The following TMEM132D variants were observed in gnomAD, a reference collection of about 807,000 sequenced individuals.
TMEM132D encodes the protein transmembrane protein 132D, also known as mature OL transmembrane protein.
A neutral mutation model predicts 62.3 loss-of-function variants in TMEM132D; 21 were observed. That is an observed-to-expected ratio of 0.34 (90% CI 0.24 to 0.49). TMEM132D has a LOEUF of 0.49. Among genes scored for constraint, TMEM132D ranks in the 20% least tolerant of loss-of-function variants. The probability of loss-of-function intolerance (pLI) is 0.99; values close to 1 mark genes in which losing one functional copy is unlikely to be tolerated. For missense variants in TMEM132D, 1,346 were observed against 1,402.8 expected (o/e 0.96, Z 0.65); for synonymous variants, 621 against 575.6 (o/e 1.08, Z -1.13).
chr12:129,556,225 C>T (rs912144184), intron 2 of TMEM132D, among the ~76,000 whole-genome samples: 3 of 152,188 alleles, frequency 2.0e-5, no homozygotes, highest in African/African-American at 7.2e-5. Context: ...CTAACACAAA[C>T]ATTCCACCGC....
chr12:129,783,544 G>C (rs913202256), intron 1 of TMEM132D, among the ~76,000 whole-genome samples: 3 of 152,164 alleles, frequency 2.0e-5, no homozygotes, highest in African/African-American at 7.2e-5. Flanking sequence ...AGGCGTACTT[G>C]TTTTCATTGT....
chr12:129,430,673 G>T (rs1872629992), intron 3 of TMEM132D, among the ~76,000 whole-genome samples: 1 of 152,084 alleles, frequency 6.6e-6, no homozygotes, highest in South Asian at 2.1e-4. Flanking sequence ...TCTGTGAAAT[G>T]GTGACATTAG....
chr12:129,502,355 CAATCATCAGACAATAGCTTCT>C (rs1875177662), intron 3 of TMEM132D, among the ~76,000 whole-genome samples: 1 of 152,166 alleles, frequency 6.6e-6, no homozygotes, highest in Non-Finnish European at 1.5e-5. Flanking sequence ...GGTTGAATAT[CAATCATCAGACAATAGCTTCT>C]CAATTAGGCA....
At chr12:129,484,233 G>C (rs529163370) in intron 3 of TMEM132D, among the ~76,000 whole-genome samples, 80 of 152,240 alleles carry the variant, frequency 5.3e-4, no homozygotes, top group African/African-American at 1.8e-3. Flanking sequence ...GCCTCCCAAA[G>C]TGCTGGGAGT....
chr12:129,821,323 C>T (rs1013969263), intron 1 of TMEM132D, among the ~76,000 whole-genome samples: 2 of 152,150 alleles, frequency 1.3e-5, no homozygotes, highest in Non-Finnish European at 1.5e-5. Flanking sequence ...CTGAAACGCA[C>T]GTCAGATGCT....
chr12:129,869,535 A>G (rs1874175539), intron 1 of TMEM132D, among the ~76,000 whole-genome samples: 1 of 152,034 alleles, frequency 6.6e-6, no homozygotes. Context: ...TTGCATTTTT[A>G]TTGTTATATT....
At chr12:129,861,638 G>A (rs1369880176) in intron 1 of TMEM132D, among the ~76,000 whole-genome samples, 1 of 151,652 alleles carries the variant, frequency 6.6e-6, no homozygotes, top group Admixed American at 6.6e-5. Flanking sequence ...GTGCACTCCT[G>A]TAATCCCAGC....
At chr12:129,295,427 CTT>C (rs556748373) in intron 4 of TMEM132D, among the ~76,000 whole-genome samples, 28 of 122,996 alleles carry the variant, frequency 2.3e-4, no homozygotes, top group African/African-American at 3.8e-4. Context: ...TCATATTAGC[CTT>C]TTTTTTTTTT....
chr12:129,094,617 AGTGTGGT>A (rs1329796859), intron 5 of TMEM132D, among the ~76,000 whole-genome samples: 6 of 152,346 alleles, frequency 3.9e-5, no homozygotes, highest in Admixed American at 3.3e-4. Flanking sequence ...TGTGGAAGTC[AGTGTGGT>A]GATTCCTCAG....
At chr12:129,255,598 CATAAA>C (rs1566013314) in intron 4 of TMEM132D, among the ~76,000 whole-genome samples, 1 of 152,132 alleles carries the variant, frequency 6.6e-6, no homozygotes, top group African/African-American at 2.4e-5. Context: ...TTGCATGGTA[CATAAA>C]ATATTTTGTT....
At chr12:129,425,446 A>G (rs1471302083) in intron 3 of TMEM132D, among the ~76,000 whole-genome samples, 1 of 149,740 alleles carries the variant, frequency 6.7e-6, no homozygotes, top group Admixed American at 6.7e-5. Context: ...CTTCCATCAT[A>G]GTAGAAACAT....
intron 2 of TMEM132D, among the ~76,000 whole-genome samples, chr12:129,580,392 A>G (rs1025712208): frequency 4.6e-5 from 7 of 152,234 alleles, no homozygotes; most frequent in African/African-American, 1.7e-4. Context: ...GGTGTCCAAC[A>G]TGAATGTCTT....
At chr12:129,545,312 T>C (rs371936131) in intron 2 of TMEM132D, among the ~76,000 whole-genome samples, 2 of 152,318 alleles carry the variant, frequency 1.3e-5, no homozygotes, top group East Asian at 3.9e-4. Context: ...AAGCAAGATC[T>C]ATGCCTGTCT....
intron 3 of TMEM132D, among the ~76,000 whole-genome samples, chr12:129,450,430 C>A: frequency 6.6e-6 from 1 of 152,180 alleles, no homozygotes; most frequent in East Asian, 1.9e-4. Context: ...TGTAACAAAC[C>A]TGTACTTGCA....
intron 2 of TMEM132D, among the ~76,000 whole-genome samples, chr12:129,641,032 T>G (rs1879629077): frequency 6.6e-6 from 1 of 152,112 alleles, no homozygotes; most frequent in Non-Finnish European, 1.5e-5. Flanking sequence ...TGATTCTACA[T>G]TATGGTGAGT....
chr12:129,694,950 G>T (rs1386843303), intron 2 of TMEM132D, among the ~76,000 whole-genome samples: 1 of 152,344 alleles, frequency 6.6e-6, no homozygotes, highest in East Asian at 1.9e-4. Flanking sequence ...AGAGGTTGCA[G>T]TGAGCCGAGA....
intron 3 of TMEM132D, among the ~76,000 whole-genome samples, chr12:129,505,695 G>C (rs968239653): frequency 5.9e-5 from 9 of 152,096 alleles, no homozygotes; most frequent in Admixed American, 2.0e-4. Context: ...TTATAAATTT[G>C]GGAACTCCAG....
chr12:129,549,707 T>C (rs1876839082), intron 2 of TMEM132D, among the ~76,000 whole-genome samples: 1 of 152,230 alleles, frequency 6.6e-6, no homozygotes, highest in East Asian at 1.9e-4. Flanking sequence ...ACTTTGGGCA[T>C]AGTCACGTGT....
intron 3 of TMEM132D, among the ~76,000 whole-genome samples, chr12:129,435,550 C>T (rs769495692): frequency 6.6e-6 from 1 of 152,114 alleles, no homozygotes; most frequent in African/African-American, 2.4e-5. Context: ...TTTTGATTGG[C>T]ATTGCCTTGA....
Sources: allele counts gnomAD v4.1 joint callset (sites outside exome capture counted in the v4.1 genomes callset), GRCh38; gene constraint gnomAD v4.1.1; transcripts MANE v1.5; gene names NCBI Gene and HGNC (gene_info 2026-07-23, HGNC 2026-07-21).